The following SORCS1 variants were observed in gnomAD, a reference collection of about 807,000 sequenced individuals.
SORCS1 encodes VPS10 domain-containing receptor SorCS1.
SORCS1 carries 60 observed loss-of-function variants against 146.1 expected under a neutral mutation model. That is an observed-to-expected ratio of 0.41 (90% CI 0.33 to 0.51). The LOEUF is 0.51. SORCS1 is among the 20% of genes least tolerant of loss of function. SORCS1 has a pLI of 0.21. For synonymous variants in SORCS1, 637 were observed against 584.0 expected (o/e 1.09, Z -1.31); for missense variants, 1,352 against 1,487.6 (o/e 0.91, Z 1.50).
rs1044283172 is a variant in SORCS1, at chr10:107,164,043, T to G, written c.484A>C (p.Ser162Arg). 1 of 1,614,098 alleles carries G rather than the reference T, an allele frequency of 6.2e-7. No homozygotes were observed. The change falls in exon 1 of 26, where the codon AGC becomes CGC. Residue 162 changes from serine (S) to arginine (R), a missense_variant. By Grantham distance (110) the Ser-to-Arg change is moderately radical (BLOSUM62 -1). Around this residue, in one of 3 missense-constraint regions of SORCS1, gnomAD observed 490 missense variants for 489.1 expected, o/e 1.00. Transcript: ENST00000263054. The surrounding 1 kb of genome is among the most constrained non-coding windows in gnomAD (Gnocchi z 6.8). ...RFRMEELRLT[S>R]TTFALTGDSA... Reference sequence around the variant, plus strand: ...TCTCCCGTCAGCGCAAACGTGGTGCTGGTCAGTCTCAGCTCCTCCATCCGG... The same window carrying G: ...TCTCCCGTCAGCGCAAACGTGGTGCGGGTCAGTCTCAGCTCCTCCATCCGG...
At chr10:106,667,433 C>A in intron 17 of SORCS1, 1 of 393,504 alleles carries the variant, frequency 2.5e-6, no homozygotes, top group Non-Finnish European at 4.6e-6. Context: ...AAAATGAAGA[C>A]ACTTTTAATA....
At chr10:107,005,926 T>A (rs895691386) in intron 1 of SORCS1, among the ~76,000 whole-genome samples, 5 of 152,230 alleles carry the variant, frequency 3.3e-5, no homozygotes, top group East Asian at 1.9e-4. Context: ...ACCACCATGA[T>A]AGAAAATTAT....
At chr10:107,146,870 T>G (rs1766242246) in intron 1 of SORCS1, among the ~76,000 whole-genome samples, 1 of 152,132 alleles carries the variant, frequency 6.6e-6, no homozygotes, top group South Asian at 2.1e-4. Context: ...CTACTTCCTA[T>G]TGTACTGGGA....
At chr10:106,603,616 G>A (rs1465005671) in intron 23 of SORCS1, among the ~76,000 whole-genome samples, 1 of 152,092 alleles carries the variant, frequency 6.6e-6, no homozygotes, top group Admixed American at 6.5e-5. Context: ...ACTGCAGGGG[G>A]ATCTGTACTG....
At chr10:106,679,555 A>C in intron 11 of SORCS1, 77 bp downstream of exon 11, 1 of 1,291,496 alleles carries the variant, frequency 7.7e-7, no homozygotes, top group Non-Finnish European at 1.1e-6. Flanking sequence ...TCTTAAAATA[A>C]ACTTCCAAGT....
At chr10:106,978,214 C>T (rs938299020) in intron 1 of SORCS1, among the ~76,000 whole-genome samples, 60 of 152,120 alleles carry the variant, frequency 3.9e-4, no homozygotes, top group African/African-American at 1.4e-3. Context: ...CACAGTGCTG[C>T]AATTACAGGT....
At chr10:106,671,971 C>T (rs74152224) in intron 15 of SORCS1, among the ~76,000 whole-genome samples, 4,450 of 152,222 alleles carry the variant, frequency 0.029, 82 homozygotes, top group African/African-American at 0.051. Flanking sequence ...TGTAAATGAA[C>T]GATTCTATTG....
chr10:106,729,346 C>T (rs1275749848), intron 6 of SORCS1, among the ~76,000 whole-genome samples: 1 of 152,286 alleles, frequency 6.6e-6, no homozygotes, highest in Non-Finnish European at 1.5e-5. Flanking sequence ...CATAACCACC[C>T]GGAGTTGATA....
intron 1 of SORCS1, among the ~76,000 whole-genome samples, chr10:107,016,754 G>C (rs1057163642): frequency 1.3e-5 from 2 of 152,102 alleles, no homozygotes; most frequent in African/African-American, 4.8e-5. Flanking sequence ...TATCCAGTAG[G>C]AGAAGATATC....
At chr10:106,912,874 G>A (rs1027078402) in intron 2 of SORCS1, among the ~76,000 whole-genome samples, 9 of 151,864 alleles carry the variant, frequency 5.9e-5, no homozygotes, top group Admixed American at 6.6e-5. Flanking sequence ...AGAGATGGGG[G>A]TTTCACCATA....
At chr10:106,797,575 C>G (rs545091059) in intron 3 of SORCS1, among the ~76,000 whole-genome samples, 1 of 151,644 alleles carries the variant, frequency 6.6e-6, no homozygotes, top group African/African-American at 2.4e-5. Context: ...AAACAACCAA[C>G]CAGGTGCATT....
chr10:107,157,583 G>A (rs1473130015), intron 1 of SORCS1, among the ~76,000 whole-genome samples: 1 of 152,208 alleles, frequency 6.6e-6, no homozygotes, highest in African/African-American at 2.4e-5. Flanking sequence ...ATTCAGGAGT[G>A]CTATAGAAAT....
At chr10:106,978,046 C>A (rs182539971) in intron 1 of SORCS1, among the ~76,000 whole-genome samples, 1 of 152,150 alleles carries the variant, frequency 6.6e-6, no homozygotes, top group East Asian at 1.9e-4. Flanking sequence ...TGGGTTCAAG[C>A]GATTCTCCTG....
chr10:106,840,848 T>C (rs1024648292), intron 2 of SORCS1, among the ~76,000 whole-genome samples: 1 of 105,882 alleles, frequency 9.4e-6, no homozygotes, highest in South Asian at 3.7e-4. Context: ...ATATTATATA[T>C]ATATATATAT....
chr10:106,595,194 T>A (rs1845834613), intron 24 of SORCS1, among the ~76,000 whole-genome samples: 1 of 152,214 alleles, frequency 6.6e-6, no homozygotes, highest in Non-Finnish European at 1.5e-5. Flanking sequence ...TTCACCAGCA[T>A]ACGATTCAGA....
intron 1 of SORCS1, among the ~76,000 whole-genome samples, chr10:107,026,592 T>C (rs1399069632): frequency 6.7e-6 from 1 of 150,346 alleles, no homozygotes; most frequent in East Asian, 1.9e-4. Context: ...CACTCCAGCC[T>C]GGGCCACAGA....
chr10:106,586,358 T>C (rs898856596), intron 24 of SORCS1, among the ~76,000 whole-genome samples: 13 of 152,204 alleles, frequency 8.5e-5, no homozygotes, highest in African/African-American at 2.7e-4. Flanking sequence ...GCTTGTCCTA[T>C]GTTCTGGCAT....
In SORCS1 at chr10:106,679,668, T is replaced by G; in HGVS notation, c.1627A>C (p.Ser543Arg). The change falls in exon 11 of 26, where the codon AGC (serine) becomes CGC (arginine). Residue 543 changes from serine (S) to arginine (R), a missense_variant. Ser to Arg is a moderately radical substitution (Grantham distance 110). This residue lies in a region of SORCS1 where 648 missense variants were observed against 793.8 expected (regional missense o/e 0.82). Coordinates refer to ENST00000263054, the MANE Select transcript of SORCS1 (RefSeq NM_052918.5). ...ATGATGCTTGGAGCTGTGTCTTTGC[T>G]GGCAATGATCCCTGATGTGTAGGGA... Reference protein sequence around the residue: ...ENPYTSGIIASKDTAPSIIVA... With the variant: ...ENPYTSGIIARKDTAPSIIVA... 1 of 1,612,830 alleles carries G rather than the reference T, an allele frequency of 6.2e-7. No individual in the cohort carries two copies. Among genetic ancestry groups the G allele is most frequent in the Non-Finnish European group, 8.5e-7 (1 of 1,179,376 alleles).
At chr10:106,959,378 A>T (rs1955115657) in intron 1 of SORCS1, among the ~76,000 whole-genome samples, 1 of 152,220 alleles carries the variant, frequency 6.6e-6, no homozygotes, top group Non-Finnish European at 1.5e-5. Context: ...TTAGTTTTCA[A>T]TCGATTATTT....
Sources: gnomAD v4.1 joint callset for allele counts (sites outside exome capture counted in the v4.1 genomes callset) on GRCh38, gnomAD v4.1.1 for gene constraint, gnomAD v4.1.1 regional missense constraint, Gnocchi (gnomAD v3.1) non-coding constraint, MANE v1.5 for transcripts, NCBI Gene and HGNC (gene_info 2026-07-23, HGNC 2026-07-21) for gene names.